SARDH: variants seen among roughly 807,000 people sequenced by gnomAD.
SARDH encodes the protein sarcosine dehydrogenase, mitochondrial.
SARDH carries 95 observed loss-of-function variants against 109.1 expected under a neutral mutation model. The ratio of observed to expected loss-of-function variants is 0.87; its 90% CI spans 0.74 to 1.03. SARDH has a LOEUF of 1.03. Ranked by LOEUF, SARDH falls within the 50% of genes least tolerant of loss-of-function variation. The probability of loss-of-function intolerance (pLI) is 0.00; values close to 1 mark genes in which losing one functional copy is unlikely to be tolerated. For synonymous variants in SARDH, 572 were observed against 534.8 expected (o/e 1.07, Z -0.96); for missense variants, 1,267 against 1,287.8 (o/e 0.98, Z 0.25).
intron 17 of SARDH, among the ~76,000 whole-genome samples, chr9:133,677,641 AG>A (rs1424809285): frequency 6.6e-6 from 1 of 152,238 alleles, no homozygotes; most frequent in Admixed American, 6.5e-5. Flanking sequence ...GGGTTGGGGC[AG>A]GGGTCCTTTG....
rs143016676 is a variant in SARDH, at chr9:133,715,040, G to A, written c.1151-1916C>T. 5.9e-3 allele frequency among the ~76,000 whole-genome samples: 899 copies of A among 152,324 alleles called. 12 individuals carry two copies. Among genetic ancestry groups the A allele is most frequent in the African/African-American group, 8.3e-3 (344 of 41,578 alleles). On this transcript the variant is annotated intron_variant, in intron 8 of 20. Coordinates refer to ENST00000439388, the MANE Select transcript of SARDH (RefSeq NM_001134707.2). ...GGACCTCCAGGCAACATGGCCAGGG[G>A]CCAGGCCTGCGGCTCCCACCCTGAC...
intron 13 of SARDH, 63 bp downstream of exon 13, chr9:133,702,853 G>T (rs920176855): frequency 1.3e-6 from 2 of 1,487,008 alleles, no homozygotes; most frequent in Non-Finnish European, 1.9e-6. Flanking sequence ...GAGGGCCGGC[G>T]CAATGGCTTA....
rs1311290387 is a variant in SARDH, at chr9:133,666,586, CTCCCTCCTTTCTCT to C, written c.2631+135_2631+148del. 2 of 1,055,578 alleles carry C rather than the reference CTCCCTCCTTTCTCT, an allele frequency of 1.9e-6. No individual in the cohort carries two copies. Among genetic ancestry groups the C allele is most frequent in the Non-Finnish European group, 2.7e-6 (2 of 744,988 alleles). 65.4% of individuals were successfully genotyped at this position (1,055,578 alleles called of 1,614,324 possible). On this transcript the variant is annotated intron_variant, in intron 20 of 20. Coordinates refer to ENST00000439388, the MANE Select transcript of SARDH (RefSeq NM_001134707.2). The surrounding 1 kb of genome is among the most constrained non-coding windows in gnomAD (Gnocchi z 5.2). ...CCTTCCTTCCTCCCCCTCTTCCCTCCTCCCTCCTTTCTCTTCCCTCCTCCTCTTCTGGACCACAC... is the reference window on the plus strand; with the variant it reads ...CCTTCCTTCCTCCCCCTCTTCCCTCCTCCCTCCTCCTCTTCTGGACCACAC...
Position 133,693,223 on chromosome 9 carries a change from G to A in SARDH, c.1921+1035C>T, listed in dbSNP as rs12339007. ...ACCTCCTGTGTTTGGCTCACTGTTG[G>A]GTCCTCCGTGCCTCAAACTGAGCCT... On this transcript the variant is annotated intron_variant, in intron 15 of 20. Coordinates refer to ENST00000439388, the MANE Select transcript of SARDH (RefSeq NM_001134707.2). The surrounding 1 kb of genome is among the most constrained non-coding windows in gnomAD (Gnocchi z 5.6). 0.019 allele frequency among the ~76,000 whole-genome samples: 2,956 copies of A among 152,176 alleles called. 85 individuals carry two copies. Among genetic ancestry groups the A allele is most frequent in the African/African-American group, 0.066 (2,759 of 41,496 alleles).
intron 3 of SARDH, among the ~76,000 whole-genome samples, chr9:133,731,886 C>T (rs1474272032): frequency 1.3e-5 from 2 of 152,096 alleles, no homozygotes; most frequent in Non-Finnish European, 2.9e-5. Context: ...TGAGAGGTTT[C>T]CCAGTCAGAC....
intron 6 of SARDH, among the ~76,000 whole-genome samples, chr9:133,727,934 T>C (rs1485552804): frequency 6.6e-6 from 1 of 152,054 alleles, no homozygotes; most frequent in African/African-American, 2.4e-5. Flanking sequence ...GGACATTCTG[T>C]GGCCACCCTC....
intron 19 of SARDH, among the ~76,000 whole-genome samples, chr9:133,669,883 C>T (rs888388575): frequency 1.3e-5 from 2 of 152,248 alleles, no homozygotes; most frequent in African/African-American, 4.8e-5. Context: ...CTCCCAAGGC[C>T]CTCGGCCTAG....
chr9:133,669,726 G>A (rs1830268296), intron 19 of SARDH, among the ~76,000 whole-genome samples: 2 of 152,292 alleles, frequency 1.3e-5, no homozygotes, highest in South Asian at 4.1e-4. Context: ...CCTGCTCCTT[G>A]GCACCATGTG....
intron 17 of SARDH, among the ~76,000 whole-genome samples, chr9:133,673,303 A>T (rs866565671): frequency 1.1e-4 from 17 of 152,168 alleles, no homozygotes; most frequent in African/African-American, 4.1e-4. Flanking sequence ...AAACCGTTGA[A>T]CCCACTGACT....
intron 19 of SARDH, 106 bp downstream of exon 19, chr9:133,670,478 G>A (rs772777999): frequency 1.5e-5 from 19 of 1,230,932 alleles, no homozygotes; most frequent in Admixed American, 2.4e-5. Flanking sequence ...GCTGGCACAT[G>A]GGAAGTGTTG....
chr9:133,700,750 CACAT>C (rs1463045198), intron 13 of SARDH, among the ~76,000 whole-genome samples: 6 of 152,234 alleles, frequency 3.9e-5, no homozygotes, highest in African/African-American at 1.2e-4. Context: ...CACACACACA[CACAT>C]AAACAACATC....
rs1831148271 is a variant in SARDH at position 133,692,788 on chromosome 9, G to A, written c.1921+1470C>T. Among the ~76,000 whole-genome samples the A allele has an allele frequency of 6.6e-6, 1 of 152,138 alleles. No homozygotes were observed. The highest frequency in any genetic ancestry group is 2.4e-5 in the African/African-American group (1 of 41,426). ...CTGTTGAGGGAACGAGCGAAGGAAC[G>A]AGCTCATGGATCCATGAGGCACGAG... is the stretch of plus-strand genomic sequence containing the variant. On this transcript the variant is annotated intron_variant, in intron 15 of 20. Transcript: ENST00000439388. This position sits in a 1 kb window ranked among gnomAD's most constrained non-coding sequence, Gnocchi z 5.0.
rs1342353996 is a variant in SARDH at position 133,709,439 on chromosome 9, AGCCCCCGGC to A, written c.1329-1020_1329-1012del. On this transcript the variant is annotated intron_variant, in intron 10 of 20. Transcript: ENST00000439388. This position sits in a 1 kb window ranked among gnomAD's most constrained non-coding sequence, Gnocchi z 4.2. ...CCTCCCACGCACAAACCTCCCTGTC[AGCCCCCGGC>A]TTTCCCAGCACCCCGCCTCCCCCTC... Among the ~76,000 whole-genome samples, 1 of 152,082 alleles carries A rather than the reference AGCCCCCGGC, an allele frequency of 6.6e-6. No individual in the cohort carries two copies. Among genetic ancestry groups the A allele is most frequent in the Non-Finnish European group, 1.5e-5 (1 of 68,012 alleles).
Position 133,663,948 on chromosome 9 carries a change from G to C in SARDH, c.2698C>G (p.Gln900Glu), listed in dbSNP as rs762632653. The change falls in exon 21 of 21, where the codon CAG (glutamine) becomes GAG (glutamate). Residue 900 changes from glutamine (Q) to glutamate (E), a missense_variant. Physicochemically the swap from Gln to Glu is conservative, Grantham distance 29. Coordinates refer to ENST00000439388, the MANE Select transcript of SARDH (RefSeq NM_001134707.2). ...TCGAAGGGCGACTTCAGGTGAGCCTGGGCACCATAGGTCACCCCCATTCTC... is the reference window on the plus strand; with the variant it reads ...TCGAAGGGCGACTTCAGGTGAGCCTCGGCACCATAGGTCACCCCCATTCTC... ...LERMGVTYGAQAHLKSPFDPN... is the reference protein window; with the variant it reads ...LERMGVTYGAEAHLKSPFDPN... The C allele has an allele frequency of 1.2e-6, 2 of 1,614,046 alleles. No individual in the cohort carries two copies. The highest frequency in any genetic ancestry group is 2.7e-5 in the African/African-American group (2 of 74,918).
At chr9:133,679,029 C>T (rs1830606618) in intron 17 of SARDH, among the ~76,000 whole-genome samples, 1 of 152,316 alleles carries the variant, frequency 6.6e-6, no homozygotes, top group Middle Eastern at 3.4e-3. Context: ...GGTCACTTGC[C>T]CCAGACAGAA....
intron 1 of SARDH, among the ~76,000 whole-genome samples, chr9:133,735,886 A>G (rs1832867169): frequency 4.1e-5 from 1 of 24,438 alleles, no homozygotes; most frequent in East Asian, 8.1e-4. Flanking sequence ...TCTACTAAAA[A>G]TACATTAGCC....
At chr9:133,694,393 C>T (rs1311202394) in intron 14 of SARDH, 22 bp from the exon 15 acceptor site, 32 of 1,539,370 alleles carry the variant, frequency 2.1e-5, no homozygotes, top group Middle Eastern at 1.7e-4. Context: ...AGAAGGAAGC[C>T]GGGTCTGTGC....
chr9:133,674,996 C>T (rs1283648286), intron 17 of SARDH, among the ~76,000 whole-genome samples: 4 of 152,128 alleles, frequency 2.6e-5, no homozygotes, highest in East Asian at 3.8e-4. Flanking sequence ...TCTACCCAGA[C>T]AGAACAAAGA....
chr9:133,663,224 G>A (rs539382026), downstream of SARDH, among the ~76,000 whole-genome samples: 7 of 152,366 alleles, frequency 4.6e-5, no homozygotes, highest in Admixed American at 1.3e-4. Flanking sequence ...TGGGTGAGGA[G>A]GGCACCAATC....
Sources: gnomAD v4.1 joint callset for allele counts (sites outside exome capture counted in the v4.1 genomes callset) on GRCh38, gnomAD v4.1.1 for gene constraint, Gnocchi (gnomAD v3.1) non-coding constraint, MANE v1.5 for transcripts, NCBI Gene and HGNC (gene_info 2026-07-23, HGNC 2026-07-21) for gene names.